The following TP53BP1 variants were observed in gnomAD, a reference collection of about 807,000 sequenced individuals.
The protein encoded by TP53BP1 is TP53-binding protein 1.
In TP53BP1, 61 loss-of-function variants were observed where a neutral mutation model predicts 200.8. The observed-to-expected ratio is 0.30, with a 90% CI of 0.25 to 0.38. TP53BP1 has a LOEUF of 0.38. Ranked by LOEUF, TP53BP1 falls within the 10% of genes least tolerant of loss-of-function variation. The pLI is 1.00. For synonymous variants in TP53BP1, 822 were observed against 844.3 expected (o/e 0.97, Z 0.46); for missense variants, 2,144 against 2,371.9 (o/e 0.90, Z 2.00).
At chr15:43,440,294 G>A (rs1168536199) in intron 15 of TP53BP1, among the ~76,000 whole-genome samples, 4 of 151,960 alleles carry the variant, frequency 2.6e-5, no homozygotes, top group Admixed American at 6.5e-5. Context: ...GGCGGATCAC[G>A]AGGTCAGGAG....
chr15:43,438,780 TAA>T (rs1176509835), intron 15 of TP53BP1, among the ~76,000 whole-genome samples: 2 of 144,992 alleles, frequency 1.4e-5, no homozygotes, highest in Non-Finnish European at 3.0e-5. Context: ...CTCTGTATTT[TAA>T]AAGACTTAAA....
At chr15:43,446,904 C>T in intron 13 of TP53BP1, 2 of 791,932 alleles carry the variant, frequency 2.5e-6, no homozygotes, top group Non-Finnish European at 2.0e-6. Context: ...ATTGTTACCT[C>T]CCAGCACTGA....
Position 43,403,402 on chromosome 15 carries a change from T to G in TP53BP1, c.*3981A>C. ...TCACAGCTCAGAGGCAGGAAGACAC[T>G]CTGCGGGTCTAAGAAATGAAGAGTT... is the stretch of plus-strand genomic sequence containing the variant. On this transcript the variant is annotated 3_prime_UTR_variant, in exon 28 of 28. Transcript: ENST00000382044. 3.8e-6 allele frequency: 1 copy of G among 260,824 alleles called. No homozygotes were observed. Among genetic ancestry groups the G allele is most frequent in the Non-Finnish European group, 7.3e-6 (1 of 136,172 alleles). The allele number at this position is 260,824 out of a possible 1,614,324, so 16.2% of individuals were successfully genotyped here. A position where few individuals can be genotyped will look rare whatever the true frequency, so the allele number is the denominator to read the frequency against.
rs1015030518 is a variant in TP53BP1, at chr15:43,405,119, C to G, written c.*2264G>C. 3 of 1,488,472 alleles carry G rather than the reference C, an allele frequency of 2.0e-6. No homozygotes were observed. The African/African-American group carries it at 4.2e-5, about 21-fold the overall frequency. 92.2% of individuals were successfully genotyped at this position (1,488,472 alleles called of 1,614,324 possible). ...AGTTTTAAGATGACATTATTTAGAT[C>G]ACAGGTTATCCTGATTCATATTTCT... On this transcript the variant is annotated 3_prime_UTR_variant, in exon 28 of 28. Transcript: ENST00000382044.
intron 1 of TP53BP1, among the ~76,000 whole-genome samples, chr15:43,506,413 C>T (rs147414505): frequency 2.6e-5 from 4 of 152,262 alleles, no homozygotes; most frequent in East Asian, 3.9e-4. Context: ...TAAACTTAGC[C>T]GATACTTTTC....
Position 43,456,442 on chromosome 15 carries a change from T to A in TP53BP1, c.2166A>T (p.Glu722Asp), listed in dbSNP as rs377247532. 6.4e-6 allele frequency: 10 copies of A among 1,573,172 alleles called. No individual in the cohort carries two copies. The highest frequency in any genetic ancestry group is 4.3e-6 in the Non-Finnish European group (5 of 1,164,792). ...CAATACTAATCACACTGGTTTCAAC[T>A]TCCATAGCTTCTGAGCATTCTTTTT... ...MPKKECSEAMEVETSVISIDS... is the reference protein window; with the variant it reads ...MPKKECSEAMDVETSVISIDS... Residue 722 changes from glutamate to aspartate, a missense_variant, in exon 12 of 28, where the codon GAA becomes GAT. Glu to Asp is a conservative substitution (Grantham distance 45, BLOSUM62 2). Transcript: ENST00000382044.
intron 18 of TP53BP1, among the ~76,000 whole-genome samples, chr15:43,423,558 G>A (rs1408489176): frequency 1.4e-5 from 2 of 145,846 alleles, no homozygotes; most frequent in Non-Finnish European, 3.0e-5. Context: ...TCGAAAAGCT[G>A]AGGCAGAAGA....
At chr15:43,473,012 C>T (rs1269228957) in intron 10 of TP53BP1, among the ~76,000 whole-genome samples, 2 of 152,002 alleles carry the variant, frequency 1.3e-5, no homozygotes, top group African/African-American at 4.8e-5. Context: ...TTCGTGGTCT[C>T]GCTGGTTCAG....
rs1216907971 is a variant in TP53BP1 at position 43,483,695 on chromosome 15, A to G, written c.372-2673T>C. The stretch of plus-strand genomic sequence containing the variant: ...ACAAAAGCAAAATAGAACATTATCT[A>G]TATAACTGGAAGGACCAGATAAATG... On this transcript the variant is annotated intron_variant, in intron 4 of 27. Transcript: ENST00000382044. Among the ~76,000 whole-genome samples, 4 of 152,278 alleles carry G rather than the reference A, an allele frequency of 2.6e-5. No homozygotes were observed. In the East Asian group the frequency reaches 7.7e-4, roughly 29 times the overall value.
At position 43,406,717 on chromosome 15, in the gene TP53BP1, T is replaced by G. The variant is rs1263659531; in HGVS notation, c.*666A>C. ...TGTGACAATAATAATAATAATAATA[T>G]TGGGTCTTTGACTAGAACGTGTAAC... is the stretch of plus-strand genomic sequence containing the variant. On this transcript the variant is annotated 3_prime_UTR_variant, in exon 28 of 28. Transcript: ENST00000382044. 1 of 420,934 alleles carries G rather than the reference T, an allele frequency of 2.4e-6. No homozygotes were observed. Among genetic ancestry groups the G allele is most frequent in the Non-Finnish European group, 4.7e-6 (1 of 213,396 alleles). The allele number at this position is 420,934 out of a possible 1,614,324, so 26.1% of individuals were successfully genotyped here.
Position 43,404,316 on chromosome 15 carries a change from C to T in TP53BP1, c.*3067G>A. The T allele has an allele frequency of 6.7e-7, 1 of 1,484,320 alleles. No homozygotes were observed. The highest frequency in any genetic ancestry group is 9.1e-7 in the Non-Finnish European group (1 of 1,099,504). The allele number at this position is 1,484,320 out of a possible 1,614,324, so 91.9% of individuals were successfully genotyped here. On this transcript the variant is annotated 3_prime_UTR_variant, in exon 28 of 28. Coordinates refer to ENST00000382044, the MANE Select transcript of TP53BP1 (RefSeq NM_001141980.3). ...CCAGGTGGTTCTGTAGAATTTTGAA[C>T]AAGGCTTTTCCAAGAAACTCCTCCC... is the stretch of plus-strand genomic sequence containing the variant.
intron 14 of TP53BP1, among the ~76,000 whole-genome samples, chr15:43,441,811 C>T (rs909316777): frequency 6.6e-6 from 1 of 152,176 alleles, no homozygotes; most frequent in Non-Finnish European, 1.5e-5. Context: ...AGGGCAGTAG[C>T]GTGATCTCAG....
At chr15:43,416,470 C>A in intron 21 of TP53BP1, 54 bp from the exon 22 acceptor site, 1 of 1,559,408 alleles carries the variant, frequency 6.4e-7, no homozygotes, top group African/African-American at 1.4e-5. Flanking sequence ...CTCCTTAGCA[C>A]CCTCTCACAA....
At chr15:43,490,564 C>G (rs866770736) in intron 4 of TP53BP1, among the ~76,000 whole-genome samples, 18 of 152,152 alleles carry the variant, frequency 1.2e-4, no homozygotes, top group Middle Eastern at 3.2e-3. Context: ...AGTCTTTAAC[C>G]ATCTCAAGCT....
At chr15:43,450,043 T>C (rs1469546527) in intron 12 of TP53BP1, among the ~76,000 whole-genome samples, 1 of 152,228 alleles carries the variant, frequency 6.6e-6, no homozygotes, top group Non-Finnish European at 1.5e-5. Flanking sequence ...CATTTAGCAA[T>C]CCTACATTCT....
At chr15:43,445,334 C>T (rs2046017010) in intron 14 of TP53BP1, among the ~76,000 whole-genome samples, 1 of 152,146 alleles carries the variant, frequency 6.6e-6, no homozygotes, top group African/African-American at 2.4e-5. Flanking sequence ...TGCTCCTGTG[C>T]CTGACATGAT....
intron 23 of TP53BP1, among the ~76,000 whole-genome samples, chr15:43,414,870 T>C (rs1281276369): frequency 1.3e-5 from 2 of 151,992 alleles, no homozygotes; most frequent in Non-Finnish European, 2.9e-5. Context: ...CACTCATAGC[T>C]ACTTTTTTTG....
chr15:43,439,487 G>A (rs2045878364), intron 15 of TP53BP1, among the ~76,000 whole-genome samples: 2 of 152,126 alleles, frequency 1.3e-5, no homozygotes, highest in Admixed American at 1.3e-4. Context: ...AGTGAACTGT[G>A]ATTGCACCAC....
chr15:43,416,460 C>T lies in TP53BP1; in HGVS notation c.4682-44G>A, dbSNP rs563732885. ...AAAAGAAGCTTGCTGTTGTCTTAGG[C>T]TCCTTAGCACCCTCTCACAAGGGCT... is the stretch of plus-strand genomic sequence containing the variant. On this transcript the variant is annotated intron_variant, in intron 21 of 27. Coordinates refer to ENST00000382044, the MANE Select transcript of TP53BP1 (RefSeq NM_001141980.3). 3.8e-6 allele frequency: 6 copies of T among 1,578,490 alleles called. No homozygotes were observed. In the African/African-American group the frequency reaches 5.4e-5, roughly 14 times the overall value.
Sources: gnomAD v4.1 joint callset for allele counts (sites outside exome capture counted in the v4.1 genomes callset) on GRCh38, gnomAD v4.1.1 for gene constraint, MANE v1.5 for transcripts, NCBI Gene and HGNC (gene_info 2026-07-23, HGNC 2026-07-21) for gene names.